ING3: variants seen among roughly 807,000 people sequenced by gnomAD.
ING3 encodes inhibitor of growth protein 3.
ING3 carries 6 observed loss-of-function variants against 64.8 expected under a neutral mutation model. The ratio of observed to expected loss-of-function variants is 0.09; its 90% CI spans 0.05 to 0.18. The LOEUF (loss-of-function observed/expected upper bound fraction) is 0.18, where lower values mean the gene tolerates loss of function less well. Ranked by LOEUF, ING3 falls within the 10% of genes least tolerant of loss-of-function variation. ING3 has a pLI of 1.00. For missense variants in ING3, 310 were observed against 489.7 expected, an observed-to-expected ratio of 0.63 and a Z score of 3.46; for synonymous variants, 170 against 173.7, an observed-to-expected ratio of 0.98 and a Z score of 0.17.
Position 120,967,614 on chromosome 7 carries a change from C to A in ING3, c.522C>A (p.Thr174=), listed in dbSNP as rs573638160. 1.3e-5 allele frequency: 21 copies of A among 1,606,672 alleles called. No homozygotes were observed. In the South Asian group the frequency reaches 2.2e-4, roughly 17 times the overall value. ...TTAAATCTGAAGCTCTTCTATCCAC[C>A]CTTACGTCAGATGCCTCTAAGGAAA... is the stretch of plus-strand genomic sequence containing the variant. ...KKFKSEALLS[T]LTSDASKENT... The change falls in exon 7 of 12, where the codon ACC becomes ACA. Residue 174 remains threonine (T), a synonymous_variant. Coordinates refer to ENST00000315870, the MANE Select transcript of ING3 (RefSeq NM_019071.3).
chr7:120,964,324 C>T (rs115181858), intron 4 of ING3, among the ~76,000 whole-genome samples: 15 of 152,136 alleles, frequency 9.9e-5, no homozygotes, highest in African/African-American at 2.9e-4. Context: ...TAGCTTTTAT[C>T]GTATGACAGT....
intron 10 of ING3, among the ~76,000 whole-genome samples, chr7:120,972,573 A>T (rs947812397): frequency 3.3e-5 from 5 of 152,180 alleles, no homozygotes; most frequent in Admixed American, 2.6e-4. Context: ...GGGAAAAATT[A>T]AGAGCCCCCA....
Position 120,975,921 on chromosome 7 carries a change from A to C in ING3, c.*1077A>C, listed in dbSNP as rs1020377442. ...GACATGAAAGAAGTGTAAGTATAGC[A>C]GTTAAAACGAAAATAATGGTTATGG... On this transcript the variant is annotated 3_prime_UTR_variant, in exon 12 of 12. Coordinates refer to ENST00000315870, the MANE Select transcript of ING3 (RefSeq NM_019071.3). 5.3e-5 allele frequency: 8 copies of C among 152,216 alleles called. No individual in the cohort carries two copies. The highest frequency in any genetic ancestry group is 1.9e-4 in the African/African-American group (8 of 41,462). 9.4% of individuals were successfully genotyped at this position (152,216 alleles called of 1,614,324 possible).
chr7:120,972,596 T>G (rs1210394965), intron 10 of ING3, among the ~76,000 whole-genome samples: 1 of 152,142 alleles, frequency 6.6e-6, no homozygotes, highest in Non-Finnish European at 1.5e-5. Context: ...AACTTGATAT[T>G]CAGAGAAGTT....
intron 10 of ING3, among the ~76,000 whole-genome samples, chr7:120,971,259 G>A (rs1796066457): frequency 6.6e-6 from 1 of 152,140 alleles, no homozygotes; most frequent in Non-Finnish European, 1.5e-5. Flanking sequence ...TCTGGAGGAG[G>A]GCTCCCTTCC....
At chr7:120,956,376 G>T in intron 4 of ING3, 1 of 1,333,306 alleles carries the variant, frequency 7.5e-7, no homozygotes, top group Non-Finnish European at 9.6e-7. Context: ...TCATACTTAT[G>T]TTGTCTTTCC....
rs1454133232 is a variant in ING3 at position 120,976,754 on chromosome 7, G to A, written c.*1910G>A. The A allele has an allele frequency of 6.6e-6, 1 of 152,276 alleles. No individual in the cohort carries two copies. The highest frequency in any genetic ancestry group is 2.4e-5 in the African/African-American group (1 of 41,568). 9.4% of individuals were successfully genotyped at this position (152,276 alleles called of 1,614,324 possible). A position where few individuals can be genotyped will look rare whatever the true frequency, so the allele number is the denominator to read the frequency against. On this transcript the variant is annotated 3_prime_UTR_variant, in exon 12 of 12. Transcript: ENST00000315870. ...GTCAGGAACATCCTGTTATCCAGCT[G>A]CTACATCCCCTTTCAGTGTGAATTC...
chr7:120,964,026 C>T (rs747262126), intron 4 of ING3, among the ~76,000 whole-genome samples: 1 of 151,928 alleles, frequency 6.6e-6, no homozygotes, highest in Non-Finnish European at 1.5e-5. Context: ...TACATTAAGA[C>T]ATTTTTTGTT....
chr7:120,960,226 C>T (rs1354832790), intron 4 of ING3, among the ~76,000 whole-genome samples: 4 of 151,952 alleles, frequency 2.6e-5, no homozygotes, highest in South Asian at 2.1e-4. Context: ...AGAGAGAGGC[C>T]GGGGTGGTTG....
intron 8 of ING3, 98 bp downstream of exon 8, chr7:120,968,189 G>A (rs1474146588): frequency 1.1e-5 from 12 of 1,059,002 alleles, no homozygotes; most frequent in South Asian, 8.7e-5. Context: ...GTTTTCTAAC[G>A]TTGTATATTT....
intron 1 of ING3, 53 bp from the exon 2 acceptor site, chr7:120,951,095 CGCGCGCAGTGACGTAA>C: frequency 6.4e-7 from 1 of 1,566,488 alleles, no homozygotes; most frequent in Non-Finnish European, 8.8e-7. Flanking sequence ...CCCTGACGCA[CGCGCGCAGTGACGTAA>C]GCGCGTATTT....
intron 4 of ING3, among the ~76,000 whole-genome samples, chr7:120,957,257 A>G (rs1026866168): frequency 2.6e-5 from 4 of 152,116 alleles, no homozygotes; most frequent in Admixed American, 6.5e-5. Flanking sequence ...CTGTAGTTCC[A>G]GCTACTCGGG....
chr7:120,953,458 A>G (rs1226038636), intron 3 of ING3, 54 bp downstream of exon 3: 1 of 1,055,680 alleles, frequency 9.5e-7, no homozygotes, highest in Non-Finnish European at 1.4e-6. Context: ...CCTCTGAAAA[A>G]GATATTTCAA....
intron 4 of ING3, chr7:120,956,173 A>G (rs1460483866): frequency 6.2e-7 from 1 of 1,608,908 alleles, no homozygotes; most frequent in African/African-American, 1.3e-5. Flanking sequence ...CACTTCTAAA[A>G]GATTGAAAAC....
At chr7:120,955,735 G>C in intron 4 of ING3, 111 bp downstream of exon 4, 1 of 723,214 alleles carries the variant, frequency 1.4e-6, no homozygotes, top group Admixed American at 2.2e-5. Flanking sequence ...CTGAAGTATT[G>C]CTCTCTTGAT....
chr7:120,967,428 C>A, intron 6 of ING3, 101 bp from the exon 7 acceptor site: 1 of 784,498 alleles, frequency 1.3e-6, no homozygotes, highest in Non-Finnish European at 1.9e-6. Context: ...TTATGAGGAA[C>A]CCAGATCATA....
chr7:120,960,458 C>T (rs1562974297), intron 4 of ING3, among the ~76,000 whole-genome samples: 1 of 152,138 alleles, frequency 6.6e-6, no homozygotes, highest in Non-Finnish European at 1.5e-5. Context: ...TTTAAATAAG[C>T]ATGTATTACT....
intron 5 of ING3, among the ~76,000 whole-genome samples, chr7:120,966,340 C>G (rs543293238): frequency 1.3e-5 from 2 of 152,062 alleles, no homozygotes; most frequent in Non-Finnish European, 2.9e-5. Context: ...TATATGGCAC[C>G]CACTATGGTG....
intron 9 of ING3, 25 bp downstream of exon 9, chr7:120,969,229 C>CT (rs1562976942): frequency 6.3e-7 from 1 of 1,583,836 alleles, no homozygotes; most frequent in Non-Finnish European, 8.6e-7. Flanking sequence ...TACAGTAGCC[C>CT]TATACCTTTA....
Sources: gnomAD v4.1 joint callset for allele counts (sites outside exome capture counted in the v4.1 genomes callset) on GRCh38, gnomAD v4.1.1 for gene constraint, MANE v1.5 for transcripts, NCBI Gene and HGNC (gene_info 2026-07-23, HGNC 2026-07-21) for gene names.